The following PDE4B variants were observed in gnomAD, a reference collection of about 807,000 sequenced individuals.
The protein encoded by PDE4B is phosphodiesterase 4B.
Under a neutral mutation model 82.2 loss-of-function variants are expected in PDE4B, and 20 were observed. That is an observed-to-expected ratio of 0.24 (90% CI 0.17 to 0.35). PDE4B has a LOEUF of 0.35. Ranked by LOEUF, PDE4B falls within the 10% of genes least tolerant of loss-of-function variation. The pLI, the probability that PDE4B is intolerant of heterozygous loss-of-function variation, is 1.00. For missense variants in PDE4B, 655 were observed against 907.2 expected, an observed-to-expected ratio of 0.72 and a Z score of 3.57; for synonymous variants, 320 against 318.9, an observed-to-expected ratio of 1.00 and a Z score of -0.04.
At chr1:66,138,765 A>G (rs1421514408) in intron 3 of PDE4B, among the ~76,000 whole-genome samples, 3 of 152,186 alleles carry the variant, frequency 2.0e-5, no homozygotes, top group Admixed American at 2.0e-4. Context: ...TTAGACCTTT[A>G]TATTAAACCC....
intron 16 of PDE4B, among the ~76,000 whole-genome samples, chr1:66,371,336 C>T (rs1236937986): frequency 6.6e-6 from 1 of 151,722 alleles, no homozygotes; most frequent in African/African-American, 2.4e-5. Flanking sequence ...TGTAGCTCCC[C>T]AGACCATGGC....
At chr1:66,066,093 T>C (rs1655830241) in intron 3 of PDE4B, among the ~76,000 whole-genome samples, 1 of 151,602 alleles carries the variant, frequency 6.6e-6, no homozygotes, top group Admixed American at 6.6e-5. Context: ...ACAAAAATTA[T>C]AACTTAGAAA....
intron 3 of PDE4B, among the ~76,000 whole-genome samples, chr1:65,958,628 C>A (rs1421180937): frequency 6.6e-6 from 1 of 152,006 alleles, no homozygotes; most frequent in Non-Finnish European, 1.5e-5. Flanking sequence ...TCGTTTTTAA[C>A]CTATTTAAAG....
chr1:66,207,930 T>C, intron 3 of PDE4B, among the ~76,000 whole-genome samples: 1 of 152,222 alleles, frequency 6.6e-6, no homozygotes, highest in East Asian at 1.9e-4. Context: ...CTCCTTATAT[T>C]TTATTTTGCC....
chr1:65,795,152 A>G (rs1645616721), intron 1 of PDE4B, among the ~76,000 whole-genome samples: 1 of 152,240 alleles, frequency 6.6e-6, no homozygotes, highest in South Asian at 2.1e-4. Flanking sequence ...CTTGTTTGAT[A>G]AAGATACTGG....
intron 7 of PDE4B, among the ~76,000 whole-genome samples, chr1:66,307,927 G>T (rs763470411): frequency 2.2e-4 from 33 of 152,156 alleles, no homozygotes; most frequent in Non-Finnish European, 2.8e-4. Flanking sequence ...GGTTCTCAAG[G>T]GTGCTTTTGT....
chr1:66,129,018 T>G (rs1645879387), intron 3 of PDE4B, among the ~76,000 whole-genome samples: 1 of 152,166 alleles, frequency 6.6e-6, no homozygotes, highest in South Asian at 2.1e-4. Context: ...CAAACTATTA[T>G]GATTGAATTA....
intron 1 of PDE4B, among the ~76,000 whole-genome samples, chr1:65,901,403 G>A (rs1646970739): frequency 6.6e-6 from 1 of 151,878 alleles, no homozygotes; most frequent in Admixed American, 6.6e-5. Flanking sequence ...GCATATTTCT[G>A]TAGTTTTATT....
chr1:66,240,740 G>A (rs1291861133), intron 3 of PDE4B, among the ~76,000 whole-genome samples: 2 of 152,164 alleles, frequency 1.3e-5, no homozygotes, highest in African/African-American at 4.8e-5. Flanking sequence ...TTGAGTAAAT[G>A]AATGCTCATC....
chr1:66,184,364 A>G (rs4655821), intron 3 of PDE4B, among the ~76,000 whole-genome samples: 28,724 of 152,160 alleles, frequency 0.19, 2,833 homozygotes, highest in Non-Finnish European at 0.22. Context: ...AGCATCTATT[A>G]TCTGCCAGCC....
At chr1:65,944,979 C>T (rs759687153) in intron 3 of PDE4B, among the ~76,000 whole-genome samples, 7 of 151,882 alleles carry the variant, frequency 4.6e-5, no homozygotes, top group Non-Finnish European at 1.0e-4. Context: ...ATAATGTATC[C>T]TGATCATCAA....
intron 3 of PDE4B, among the ~76,000 whole-genome samples, chr1:65,976,871 T>C (rs1412523125): frequency 2.0e-5 from 3 of 152,216 alleles, no homozygotes; most frequent in African/African-American, 7.2e-5. Flanking sequence ...TCTCTTTTCT[T>C]CATAAATTAC....
chr1:66,362,784 G>A (rs1662884851), intron 10 of PDE4B, among the ~76,000 whole-genome samples: 1 of 152,170 alleles, frequency 6.6e-6, no homozygotes, highest in African/African-American at 2.4e-5. Context: ...CCCTGAGACT[G>A]TTTTCCAGCT....
At chr1:65,874,326 A>G (rs1479871608) in intron 1 of PDE4B, among the ~76,000 whole-genome samples, 2 of 152,114 alleles carry the variant, frequency 1.3e-5, no homozygotes, top group Non-Finnish European at 2.9e-5. Flanking sequence ...GGCTGAGACA[A>G]TGGGGTTTTC....
At chr1:66,293,550 G>A (rs72677259) in intron 7 of PDE4B, among the ~76,000 whole-genome samples, 1,905 of 152,208 alleles carry the variant, frequency 0.013, 21 homozygotes, top group Non-Finnish European at 0.02. Context: ...TTCATCCTCC[G>A]TGTCTGCAAA....
At chr1:66,090,729 G>A (rs1248272092) in intron 3 of PDE4B, among the ~76,000 whole-genome samples, 6 of 66,438 alleles carry the variant, frequency 9.0e-5, no homozygotes, top group African/African-American at 3.5e-4. Context: ...ATATGTATAT[G>A]TATGTATATA....
chr1:66,081,507 T>C (rs1362424185), intron 3 of PDE4B, among the ~76,000 whole-genome samples: 1 of 152,118 alleles, frequency 6.6e-6, no homozygotes, highest in Non-Finnish European at 1.5e-5. Context: ...AAATATATAT[T>C]CTAATAACAT....
intron 1 of PDE4B, among the ~76,000 whole-genome samples, chr1:65,807,604 C>T (rs895872188): frequency 8.5e-5 from 13 of 152,206 alleles, no homozygotes; most frequent in African/African-American, 2.9e-4. Context: ...GTGCTAGTTT[C>T]CTCCTATCCC....
intron 3 of PDE4B, among the ~76,000 whole-genome samples, chr1:65,997,278 T>C (rs563452589): frequency 8.7e-4 from 132 of 152,036 alleles, no homozygotes; most frequent in African/African-American, 3.0e-3. Context: ...AATTAGAAGT[T>C]AGTAGGAGAA....
Sources: gnomAD v4.1 joint callset for allele counts (sites outside exome capture counted in the v4.1 genomes callset) on GRCh38, gnomAD v4.1.1 for gene constraint, MANE v1.5 for transcripts, NCBI Gene and HGNC (gene_info 2026-07-23, HGNC 2026-07-21) for gene names.